The following KIF1A variants were observed in gnomAD, a reference collection of about 807,000 sequenced individuals.
KIF1A encodes the protein kinesin family member 1A.
Under a neutral mutation model 227.3 loss-of-function variants are expected in KIF1A, and 46 were observed. That is an observed-to-expected ratio of 0.20 (90% CI 0.16 to 0.26). The LOEUF (loss-of-function observed/expected upper bound fraction) is 0.26. KIF1A is among the 10% of genes least tolerant of loss of function. KIF1A has a pLI of 1.00. For missense variants in KIF1A, 1,683 were observed against 2,485.9 expected (o/e 0.68, Z 6.87); for synonymous variants, 1,022 against 1,012.8 (o/e 1.01, Z -0.17).
At chr2:240,755,062 C>G (rs2049676956) in intron 27 of KIF1A, among the ~76,000 whole-genome samples, 2 of 152,320 alleles carry the variant, frequency 1.3e-5, no homozygotes, top group Non-Finnish European at 2.9e-5. Flanking sequence ...TCCTGTGTTT[C>G]CTACCCCTCC....
chr2:240,775,027 G>A lies in KIF1A; in HGVS notation c.959-766C>T, dbSNP rs764470339. Among the ~76,000 whole-genome samples, 29 of 152,260 alleles carry A rather than the reference G, an allele frequency of 1.9e-4. 1 individual carries two copies. Among genetic ancestry groups the A allele is most frequent in the Admixed American group, 4.6e-4 (7 of 15,304 alleles). The stretch of plus-strand genomic sequence containing the variant: ...TCTGTGGGAGGACTCCCCTGCCCCC[G>A]CCCTGGGACTGAACCTGGGTGTGCC... On this transcript the variant is annotated intron_variant, in intron 11 of 48. Coordinates refer to ENST00000498729, the MANE Select transcript of KIF1A (RefSeq NM_001244008.2). This position sits in a 1 kb window ranked among gnomAD's most constrained non-coding sequence, Gnocchi z 5.5.
Position 240,726,797 on chromosome 2 carries a change from G to T in KIF1A, c.4122+29C>A. 7.2e-7 allele frequency: 1 copy of T among 1,394,850 alleles called. No individual in the cohort carries two copies. Among genetic ancestry groups the T allele is most frequent in the Non-Finnish European group, 1.0e-6 (1 of 990,776 alleles). The allele number at this position is 1,394,850 out of a possible 1,614,324, so 86.4% of individuals were successfully genotyped here. On this transcript the variant is annotated intron_variant, in intron 39 of 48. Coordinates refer to ENST00000498729, the MANE Select transcript of KIF1A (RefSeq NM_001244008.2). This position sits in a 1 kb window ranked among gnomAD's most constrained non-coding sequence, Gnocchi z 5.2. Reference sequence around the variant, plus strand: ...CAAGCTTCAGGGGCTGAGTGGTTTTGGTGGAGTGCCCTGGCATAGGTGCCT... The same window carrying T: ...CAAGCTTCAGGGGCTGAGTGGTTTTTGTGGAGTGCCCTGGCATAGGTGCCT...
At chr2:240,808,591 G>A (rs1011606285) in intron 1 of KIF1A, among the ~76,000 whole-genome samples, 2 of 151,876 alleles carry the variant, frequency 1.3e-5, no homozygotes, top group Non-Finnish European at 2.9e-5. Flanking sequence ...AGGATCACTT[G>A]AGCTCAGGAG....
intron 24 of KIF1A, 107 bp from the exon 25 acceptor site, chr2:240,760,950 C>A: frequency 8.7e-7 from 1 of 1,147,010 alleles, no homozygotes. Flanking sequence ...GCCTGCCCCA[C>A]AATGGTTCAC....
rs759258335 is a variant in KIF1A at position 240,775,824 on chromosome 2, G to A, written c.958+27C>T. The A allele has an allele frequency of 6.6e-7, 1 of 1,515,578 alleles. No homozygotes were observed. Among genetic ancestry groups the A allele is most frequent in the Non-Finnish European group, 9.2e-7 (1 of 1,090,124 alleles). The allele number at this position is 1,515,578 out of a possible 1,614,324, so 93.9% of individuals were successfully genotyped here. On this transcript the variant is annotated intron_variant, in intron 11 of 48. Transcript: ENST00000498729. This position sits in a 1 kb window ranked among gnomAD's most constrained non-coding sequence, Gnocchi z 5.5. The stretch of plus-strand genomic sequence containing the variant: ...AGCCCAGGGTGGGATCAGAGCCCTG[G>A]GGACAGGCAAACCCACAAGTTCTCA...
intron 7 of KIF1A, 121 bp downstream of exon 7, chr2:240,784,868 C>T (rs1259880300): frequency 1.1e-5 from 9 of 789,476 alleles, no homozygotes; most frequent in East Asian, 2.5e-5. Context: ...GGACACTACC[C>T]GCCCTGCACA....
At chr2:240,727,773 G>A (rs1421764761) in intron 38 of KIF1A, among the ~76,000 whole-genome samples, 4 of 152,320 alleles carry the variant, frequency 2.6e-5, no homozygotes, top group African/African-American at 7.2e-5. Context: ...GTCGAACCAC[G>A]TTCCGCAAAC....
intron 9 of KIF1A, 57 bp from the exon 10 acceptor site, chr2:240,782,664 T>C (rs900323883): frequency 7.1e-6 from 11 of 1,541,462 alleles, no homozygotes; most frequent in Middle Eastern, 3.6e-4. Context: ...GCGCGGGCTG[T>C]GGGGGCGGAA....
At chr2:240,760,049 G>C (rs529897818) in intron 25 of KIF1A, among the ~76,000 whole-genome samples, 1 of 151,966 alleles carries the variant, frequency 6.6e-6, no homozygotes, top group East Asian at 1.9e-4. Flanking sequence ...AAGGGCTCAA[G>C]ACAAATCAGC....
chr2:240,770,641 T>C (rs1410288965), intron 15 of KIF1A, among the ~76,000 whole-genome samples: 1 of 152,216 alleles, frequency 6.6e-6, no homozygotes, highest in Non-Finnish European at 1.5e-5. Flanking sequence ...TCTTGGAGCT[T>C]CCCTTGTCCA....
chr2:240,757,724 G>A lies in KIF1A; in HGVS notation c.2583-130C>T. On this transcript the variant is annotated intron_variant, in intron 26 of 48. Transcript: ENST00000498729. This position sits in a 1 kb window ranked among gnomAD's most constrained non-coding sequence, Gnocchi z 6.2. ...AAACACACAGACCATCGAGAATGCT[G>A]CTTTAAAAGATGAGAGAACCAAAAC... 3.4e-6 allele frequency: 3 copies of A among 878,530 alleles called. No individual in the cohort carries two copies. The highest frequency in any genetic ancestry group is 5.2e-6 in the Non-Finnish European group (3 of 580,478). The allele number at this position is 878,530 out of a possible 1,614,324, so 54.4% of individuals were successfully genotyped here.
At chr2:240,732,887 G>A (rs868597876) in intron 38 of KIF1A, among the ~76,000 whole-genome samples, 6 of 133,656 alleles carry the variant, frequency 4.5e-5, no homozygotes, top group Middle Eastern at 4.0e-3. Flanking sequence ...AGGGATGAGG[G>A]GGAATGAGGG....
intron 27 of KIF1A, among the ~76,000 whole-genome samples, chr2:240,753,354 C>T (rs1575575674): frequency 6.6e-6 from 1 of 152,220 alleles, no homozygotes; most frequent in Non-Finnish European, 1.5e-5. Flanking sequence ...AGGCCCCATC[C>T]TGGCTCTCTC....
At chr2:240,802,415 G>A (rs2057048921) in intron 1 of KIF1A, among the ~76,000 whole-genome samples, 1 of 152,114 alleles carries the variant, frequency 6.6e-6, no homozygotes, top group Non-Finnish European at 1.5e-5. Context: ...ATTGTCAAGT[G>A]GAAAAGAAAG....
chr2:240,805,828 A>G (rs12620737), intron 1 of KIF1A, among the ~76,000 whole-genome samples: 56,956 of 151,762 alleles, frequency 0.38, 11,315 homozygotes, highest in African/African-American at 0.52. Flanking sequence ...ATAATTAAAA[A>G]CCCATATGTT....
At chr2:240,728,539 G>A (rs781107427) in intron 38 of KIF1A, 25 of 543,876 alleles carry the variant, frequency 4.6e-5, no homozygotes, top group South Asian at 2.0e-4. Context: ...CGGATCTCAC[G>A]GCCCCCAGGC....
chr2:240,744,438 A>G (rs968754832), intron 32 of KIF1A, among the ~76,000 whole-genome samples: 7 of 152,146 alleles, frequency 4.6e-5, no homozygotes, highest in African/African-American at 1.7e-4. Flanking sequence ...CCCCTCACCA[A>G]ATTCGTATGT....
intron 20 of KIF1A, among the ~76,000 whole-genome samples, chr2:240,765,371 C>T (rs181498472): frequency 6.6e-6 from 1 of 152,384 alleles, no homozygotes; most frequent in Admixed American, 6.5e-5. Context: ...CCTGTATCCC[C>T]CAGACCAGCC....
intron 1 of KIF1A, among the ~76,000 whole-genome samples, chr2:240,803,269 G>A (rs2057123025): frequency 6.6e-6 from 1 of 152,210 alleles, no homozygotes. Context: ...GGACTGACGA[G>A]GAAACACATA....
Sources: allele counts gnomAD v4.1 joint callset (sites outside exome capture counted in the v4.1 genomes callset), GRCh38; gene constraint gnomAD v4.1.1; non-coding constraint Gnocchi (gnomAD v3.1); transcripts MANE v1.5; gene names NCBI Gene and HGNC (gene_info 2026-07-23, HGNC 2026-07-21).